Variants in GRIN2B observed in about 807,000 individuals in gnomAD.
GRIN2B encodes the protein glutamate receptor ionotropic, NMDA 2B.
Under a neutral mutation model 114.5 loss-of-function variants are expected in GRIN2B, and 5 were observed. That is an observed-to-expected ratio of 0.04 (90% CI 0.02 to 0.09). GRIN2B has a LOEUF of 0.09. Among genes scored for constraint, GRIN2B ranks in the 10% least tolerant of loss-of-function variants. The pLI is 1.00. For missense variants in GRIN2B, 1,108 were observed against 1,943.5 expected (o/e 0.57, Z 8.08); for synonymous variants, 787 against 745.1 (o/e 1.06, Z -0.92).
At chr12:13,674,377 T>TA (rs1480867197) in intron 5 of GRIN2B, among the ~76,000 whole-genome samples, 5 of 152,012 alleles carry the variant, frequency 3.3e-5, no homozygotes, top group South Asian at 2.1e-4. Flanking sequence ...TAAGATTAAA[T>TA]AAAAAGCTGG....
intron 3 of GRIN2B, among the ~76,000 whole-genome samples, chr12:13,758,998 A>AGTTTTTTTTTTTTTTTTTTTTTTTTTTTT (rs771891565): frequency 2.3e-5 from 2 of 85,600 alleles, no homozygotes; most frequent in African/African-American, 4.9e-5. Flanking sequence ...ATCTAGTTCA[A>AGTTTTTTTTTTTTTTTTTTTTTTTTTTTT]TTTTTTTTTT....
chr12:13,674,612 T>A (rs748833900), intron 5 of GRIN2B, among the ~76,000 whole-genome samples: 9 of 152,048 alleles, frequency 5.9e-5, no homozygotes, highest in Non-Finnish European at 1.2e-4. Flanking sequence ...TTCTGGTAAC[T>A]CTCTCTAGAA....
chr12:13,634,325 G>GC (rs753156825), intron 5 of GRIN2B: 6 of 152,194 alleles, frequency 3.9e-5, no homozygotes, highest in Admixed American at 1.3e-4. Context: ...TAGGCTAACT[G>GC]CCATAACAAA....
intron 4 of GRIN2B, among the ~76,000 whole-genome samples, chr12:13,724,641 G>C (rs1862948070): frequency 6.6e-6 from 1 of 152,088 alleles, no homozygotes; most frequent in African/African-American, 2.4e-5. Context: ...TCTGTCCTAA[G>C]ATGCATTTCT....
chr12:13,698,342 CA>C (rs1379850412), intron 4 of GRIN2B, among the ~76,000 whole-genome samples: 1 of 152,164 alleles, frequency 6.6e-6, no homozygotes, highest in Non-Finnish European at 1.5e-5. Flanking sequence ...AAAAGCAAGA[CA>C]GTAGGGAATT....
chr12:13,635,441 T>C (rs1423594492), intron 5 of GRIN2B, among the ~76,000 whole-genome samples: 1 of 152,160 alleles, frequency 6.6e-6, no homozygotes, highest in Non-Finnish European at 1.5e-5. Context: ...GTTACTAGTT[T>C]AGGGTCCTGG....
chr12:13,814,107 G>A (rs1329845137), intron 3 of GRIN2B, among the ~76,000 whole-genome samples: 7 of 152,184 alleles, frequency 4.6e-5, no homozygotes, highest in African/African-American at 9.6e-5. Flanking sequence ...AGGAAGTAGC[G>A]GAGATTTAGA....
chr12:13,710,868 A>G (rs1217153210), intron 4 of GRIN2B, among the ~76,000 whole-genome samples: 1 of 152,052 alleles, frequency 6.6e-6, no homozygotes, highest in African/African-American at 2.4e-5. Context: ...CAGAATTGGA[A>G]AAAAACTACT....
At chr12:13,583,167 T>G (rs144135693) in intron 10 of GRIN2B, among the ~76,000 whole-genome samples, 2 of 152,288 alleles carry the variant, frequency 1.3e-5, no homozygotes, top group Admixed American at 1.3e-4. Flanking sequence ...ATAAACCACA[T>G]ATAAGCCACT....
intron 13 of GRIN2B, 44 bp downstream of exon 13, chr12:13,566,976 GGCTAA>G (rs1565455724): frequency 1.5e-6 from 2 of 1,291,034 alleles, no homozygotes; most frequent in Non-Finnish European, 2.3e-6. Flanking sequence ...CACAGTGCTA[GGCTAA>G]GCTGTCCCTA....
intron 2 of GRIN2B, among the ~76,000 whole-genome samples, chr12:13,884,731 G>C (rs1460820568): frequency 3.3e-5 from 5 of 151,894 alleles, no homozygotes; most frequent in African/African-American, 1.2e-4. Flanking sequence ...TTACCTGTAG[G>C]GTTTTCATAC....
intron 2 of GRIN2B, among the ~76,000 whole-genome samples, chr12:13,918,586 A>G (rs532664212): frequency 4.0e-4 from 61 of 152,196 alleles, no homozygotes; most frequent in Non-Finnish European, 7.3e-4. Flanking sequence ...TTGCCTAATT[A>G]TCAGTCACAA....
At chr12:13,935,607 C>G (rs956768) in intron 2 of GRIN2B, among the ~76,000 whole-genome samples, 9,562 of 152,128 alleles carry the variant, frequency 0.063, 946 homozygotes, top group East Asian at 0.41. Context: ...TGTTTCCTCG[C>G]TTATAAAACT....
At chr12:13,969,230 G>A (rs965832592) in intron 2 of GRIN2B, among the ~76,000 whole-genome samples, 1 of 152,234 alleles carries the variant, frequency 6.6e-6, no homozygotes, top group African/African-American at 2.4e-5. Flanking sequence ...AAAGCCCCAA[G>A]AGAAGGGATC....
intron 3 of GRIN2B, among the ~76,000 whole-genome samples, chr12:13,776,918 T>C (rs1416192886): frequency 6.6e-6 from 1 of 152,184 alleles, no homozygotes; most frequent in Non-Finnish European, 1.5e-5. Context: ...TAGAAAAGTG[T>C]AGCTTTGGCT....
At chr12:13,857,781 G>A (rs563296804) in intron 3 of GRIN2B, among the ~76,000 whole-genome samples, 40 of 152,244 alleles carry the variant, frequency 2.6e-4, no homozygotes, top group African/African-American at 8.4e-4. Context: ...GACTTGCAAC[G>A]TCCACAGAGT....
chr12:13,702,992 C>T (rs1160222147), intron 4 of GRIN2B, among the ~76,000 whole-genome samples: 2 of 152,128 alleles, frequency 1.3e-5, no homozygotes, highest in African/African-American at 4.8e-5. Context: ...TTTATGATGT[C>T]AATTTCCCAG....
intron 10 of GRIN2B, among the ~76,000 whole-genome samples, chr12:13,604,291 C>A (rs1452470398): frequency 1.3e-5 from 2 of 152,164 alleles, no homozygotes; most frequent in African/African-American, 4.8e-5. Context: ...AAAATGGAAG[C>A]CTTCCAGTAT....
intron 4 of GRIN2B, among the ~76,000 whole-genome samples, chr12:13,710,030 C>T (rs913295662): frequency 6.6e-6 from 1 of 151,906 alleles, no homozygotes; most frequent in African/African-American, 2.4e-5. Context: ...CCCAAATGTT[C>T]ATCAACAGAA....
Sources: allele counts gnomAD v4.1 joint callset (sites outside exome capture counted in the v4.1 genomes callset), GRCh38; gene constraint gnomAD v4.1.1; transcripts MANE v1.5; gene names NCBI Gene and HGNC (gene_info 2026-07-23, HGNC 2026-07-21).